ANGPTL6: variants seen among roughly 807,000 people sequenced by gnomAD.
ANGPTL6 encodes the protein angiopoietin like 6, also known as angiopoietin-related protein 6.
Under a neutral mutation model 47.4 loss-of-function variants are expected in ANGPTL6, and 45 were observed. The ratio of observed to expected loss-of-function variants is 0.95; its 90% CI spans 0.75 to 1.22. The LOEUF (loss-of-function observed/expected upper bound fraction) is 1.22. ANGPTL6 is among the 50% of genes most tolerant of loss of function. The pLI, the probability that ANGPTL6 is intolerant of heterozygous loss-of-function variation, is 0.00. For synonymous variants in ANGPTL6, 290 were observed against 295.9 expected, an observed-to-expected ratio of 0.98 and a Z score of 0.20; for missense variants, 698 against 669.4, an observed-to-expected ratio of 1.04 and a Z score of -0.47.
At chr19:10,099,203 C>T (rs552651490) in intron 1 of ANGPTL6, among the ~76,000 whole-genome samples, 3 of 152,226 alleles carry the variant, frequency 2.0e-5, no homozygotes, top group East Asian at 3.9e-4. Flanking sequence ...AGTCAGTTCA[C>T]GTCCCTCCCT....
intron 1 of ANGPTL6, among the ~76,000 whole-genome samples, chr19:10,097,635 C>T (rs1436349663): frequency 1.3e-5 from 2 of 151,964 alleles, no homozygotes; most frequent in South Asian, 2.1e-4. Flanking sequence ...AGGTGGATCA[C>T]GAGGTCAAGA....
chr19:10,092,584 C>G lies in ANGPTL6; in HGVS notation c.*5G>C. 6.3e-7 allele frequency: 1 copy of G among 1,598,742 alleles called. No individual in the cohort carries two copies. Among genetic ancestry groups the G allele is most frequent in the Non-Finnish European group, 8.6e-7 (1 of 1,169,350 alleles). The stretch of plus-strand genomic sequence containing the variant: ...CTAGGGCCTAGGGGACAGAGGAACA[C>G]AGAGTCACAGCTTCAGGGGCCGAAT... On this transcript the variant is annotated 3_prime_UTR_variant, in exon 6 of 6. Coordinates refer to ENST00000253109, the MANE Select transcript of ANGPTL6 (RefSeq NM_031917.3).
intron 1 of ANGPTL6, among the ~76,000 whole-genome samples, chr19:10,098,258 G>A (rs1318345549): frequency 6.6e-6 from 1 of 152,012 alleles, no homozygotes. Context: ...AGGCAGAGGC[G>A]GGAGGATCGA....
rs2088410888 is a variant in ANGPTL6, at chr19:10,092,434, C to T, written c.*155G>A. On this transcript the variant is annotated 3_prime_UTR_variant, in exon 6 of 6. Coordinates refer to ENST00000253109, the MANE Select transcript of ANGPTL6 (RefSeq NM_031917.3). The stretch of plus-strand genomic sequence containing the variant: ...GGCCAAGATATTGACGGGGGGGATT[C>T]CTGGGTCCCATTTTCAGCGCCCAGG... The T allele has an allele frequency of 6.6e-7, 1 of 1,520,534 alleles. No individual in the cohort carries two copies. The highest frequency in any genetic ancestry group is 8.8e-7 in the Non-Finnish European group (1 of 1,133,480). The allele number at this position is 1,520,534 out of a possible 1,614,324, so 94.2% of individuals were successfully genotyped here. A position where few individuals can be genotyped will look rare whatever the true frequency, so the allele number is the denominator to read the frequency against.
rs967231178 is a variant in ANGPTL6 at position 10,096,449 on chromosome 19, T to C, written c.115A>G (p.Thr39Ala). The C allele has an allele frequency of 4.0e-5, 58 of 1,459,796 alleles. No individual in the cohort carries two copies. The highest frequency in any genetic ancestry group is 4.8e-5 in the Non-Finnish European group (53 of 1,114,860). 90.4% of individuals were successfully genotyped at this position (1,459,796 alleles called of 1,614,324 possible). Residue 39 changes from threonine to alanine, a missense_variant, in exon 2 of 6, where the codon ACG (threonine) becomes GCG (alanine). Thr to Ala is a moderately conservative substitution (Grantham distance 58, BLOSUM62 0). Transcript: ENST00000253109. ...GGGCCGCTCCAGCACACAGCGCCCG[T>C]GAACTTCTGCGGGGGCAGCACGAAG... ...YTFVLPPQKF[T>A]GAVCWSGPAS...
chr19:10,104,038 A>G (rs1471444400), upstream of ANGPTL6, among the ~76,000 whole-genome samples: 1 of 144,238 alleles, frequency 6.9e-6, no homozygotes, highest in Non-Finnish European at 1.5e-5. Flanking sequence ...GGTTGCAGTG[A>G]GCCACTGCAC....
At chr19:10,098,907 C>T (rs2088610441) in intron 1 of ANGPTL6, among the ~76,000 whole-genome samples, 2 of 152,078 alleles carry the variant, frequency 1.3e-5, no homozygotes, top group South Asian at 2.1e-4. Flanking sequence ...CCTTCCCATC[C>T]GTCGGATATT....
chr19:10,101,715 G>A (rs553052790), intron 1 of ANGPTL6, among the ~76,000 whole-genome samples: 7 of 150,874 alleles, frequency 4.6e-5, no homozygotes, highest in Non-Finnish European at 8.9e-5. Flanking sequence ...GGAGGCTGAG[G>A]TGGGAGAGTC....
chr19:10,099,076 T>C (rs1030202442), intron 1 of ANGPTL6, among the ~76,000 whole-genome samples: 1 of 151,996 alleles, frequency 6.6e-6, no homozygotes, highest in Non-Finnish European at 1.5e-5. Context: ...CTCCCTGAAT[T>C]CCCAGCTCAA....
upstream of ANGPTL6, among the ~76,000 whole-genome samples, chr19:10,103,470 A>G (rs976877070): frequency 1.3e-5 from 2 of 151,578 alleles, no homozygotes; most frequent in African/African-American, 2.4e-5. Context: ...TGCGCCAGTA[A>G]TCCCAGCTAC....
At chr19:10,105,286 A>G (rs1384646358), upstream of ANGPTL6, among the ~76,000 whole-genome samples, 2 of 152,180 alleles carry the variant, frequency 1.3e-5, no homozygotes, top group Admixed American at 6.5e-5. Context: ...CCCCATTGGC[A>G]GTAGAGAGGG....
At chr19:10,102,841 C>G, upstream of ANGPTL6, 1 of 896,342 alleles carries the variant, frequency 1.1e-6, no homozygotes, top group Non-Finnish European at 1.3e-6. Flanking sequence ...GCCACCAGAG[C>G]CTGATAACAC....
Position 10,100,763 on chromosome 19 carries a change from C to T in ANGPTL6, c.-11+1805G>A, listed in dbSNP as rs537241090. ...AGAACAGAGAAATAAGTCAAACAGCCGCTAGGTAGGTCAGAGGGTAATCGT... is the reference window on the plus strand; with the variant it reads ...AGAACAGAGAAATAAGTCAAACAGCTGCTAGGTAGGTCAGAGGGTAATCGT... On this transcript the variant is annotated intron_variant, in intron 1 of 5. Transcript: ENST00000253109. 1.2e-3 allele frequency among the ~76,000 whole-genome samples: 184 copies of T among 152,262 alleles called. 1 individual carries two copies. Among genetic ancestry groups the T allele is most frequent in the Middle Eastern group, 6.8e-3 (2 of 294 alleles).
chr19:10,102,449 G>T, intron 1 of ANGPTL6, 119 bp downstream of exon 1: 2 of 589,874 alleles, frequency 3.4e-6, no homozygotes, highest in Non-Finnish European at 4.3e-6. Context: ...TATAACACCC[G>T]CTGCCTTTTA....
At position 10,093,582 on chromosome 19, in the gene ANGPTL6, C is replaced by A. The variant is rs755988994; in HGVS notation, c.989G>T (p.Gly330Val). Residue 330 changes from glycine to valine, a missense_variant, in exon 5 of 6, where the codon GGC (glycine) becomes GTC (valine). Coordinates refer to ENST00000253109, the MANE Select transcript of ANGPTL6 (RefSeq NM_031917.3). ...GGTCAGCTGATACACGGGTTCAAGG[C>A]CCAGCCAGTATTCTCCGTCTGGCCG... ...FGRPDGEYWL[G>V]LEPVYQLTSR... is the part of the protein sequence containing the mutation. 1.9e-6 allele frequency: 3 copies of A among 1,613,626 alleles called. No homozygotes were observed. The Admixed American group carries it at 5.0e-5, about 27-fold the overall frequency.
upstream of ANGPTL6, among the ~76,000 whole-genome samples, chr19:10,103,626 AT>A (rs1452508364): frequency 6.7e-6 from 1 of 148,228 alleles, no homozygotes; most frequent in East Asian, 1.9e-4. Flanking sequence ...TAAATAAATA[AT>A]AAATAAATAA....
chr19:10,092,578 G>A lies in ANGPTL6; in HGVS notation c.*11C>T. 6.3e-7 allele frequency: 1 copy of A among 1,596,260 alleles called. No homozygotes were observed. Among genetic ancestry groups the A allele is most frequent in the Non-Finnish European group, 8.6e-7 (1 of 1,167,950 alleles). ...TGTCCTCTAGGGCCTAGGGGACAGA[G>A]GAACACAGAGTCACAGCTTCAGGGG... On this transcript the variant is annotated 3_prime_UTR_variant, in exon 6 of 6. Coordinates refer to ENST00000253109, the MANE Select transcript of ANGPTL6 (RefSeq NM_031917.3).
Position 10,094,778 on chromosome 19 carries a change from G to C in ANGPTL6, c.743C>G (p.Ala248Gly). The C allele has an allele frequency of 6.2e-7, 1 of 1,614,132 alleles. No homozygotes were observed. ...MASPMPAGHP[A>G]VPTKPVGPWQ... ...CTTACCCACAGGCTTGGTGGGGACC[G>C]CAGGGTGACCTGCAGGCATGGGAGA... is the stretch of plus-strand genomic sequence containing the variant. The change falls in exon 3 of 6, where the codon GCG (alanine) becomes GGG (glycine). Residue 248 changes from alanine (A) to glycine (G), a missense_variant. By Grantham distance (60) the Ala-to-Gly change is moderately conservative (BLOSUM62 0). Coordinates refer to ENST00000253109, the MANE Select transcript of ANGPTL6 (RefSeq NM_031917.3).
intron 3 of ANGPTL6, among the ~76,000 whole-genome samples, chr19:10,094,303 C>T (rs112364912): frequency 3.3e-5 from 5 of 152,090 alleles, no homozygotes; most frequent in Non-Finnish European, 7.4e-5. Flanking sequence ...CCCGCCACCA[C>T]GCCCAGCTAA....
Sources: gnomAD v4.1 joint callset for allele counts (sites outside exome capture counted in the v4.1 genomes callset) on GRCh38, gnomAD v4.1.1 for gene constraint, MANE v1.5 for transcripts, NCBI Gene and HGNC (gene_info 2026-07-23, HGNC 2026-07-21) for gene names.